The following WDR25 variants were observed in gnomAD, a reference collection of about 807,000 sequenced individuals.
The protein encoded by WDR25 is WD repeat domain 25, also known as WD repeat-containing protein 25.
A neutral mutation model predicts 47.7 loss-of-function variants in WDR25; 35 were observed. That is an observed-to-expected ratio of 0.73 (90% CI 0.56 to 0.97). WDR25 has a LOEUF of 0.97. Ranked by LOEUF, WDR25 falls within the 50% of genes least tolerant of loss-of-function variation. WDR25 has a pLI of 0.00. For missense variants in WDR25, 634 were observed against 704.7 expected (o/e 0.90, Z 1.14); for synonymous variants, 248 against 278.9 (o/e 0.89, Z 1.10).
At chr14:100,403,539 A>T (rs562397965) in intron 2 of WDR25, among the ~76,000 whole-genome samples, 5 of 152,366 alleles carry the variant, frequency 3.3e-5, no homozygotes, top group East Asian at 3.9e-4. Context: ...TGGCATGCTT[A>T]GCCCGCAGGG....
chr14:100,409,686 C>G (rs1443047763), intron 2 of WDR25, among the ~76,000 whole-genome samples: 1 of 152,162 alleles, frequency 6.6e-6, no homozygotes, highest in East Asian at 1.9e-4. Flanking sequence ...ACAGGGATCC[C>G]TTTAAATTGA....
chr14:100,386,361 G>T (rs2140144828), intron 2 of WDR25, among the ~76,000 whole-genome samples: 1 of 152,292 alleles, frequency 6.6e-6, no homozygotes, highest in Non-Finnish European at 1.5e-5. Flanking sequence ...CATAGTATGT[G>T]CAGTTTTGAA....
At chr14:100,514,422 AT>A (rs200085250) in intron 4 of WDR25, among the ~76,000 whole-genome samples, 15 of 149,878 alleles carry the variant, frequency 1.0e-4, no homozygotes, top group African/African-American at 1.7e-4. Context: ...CTACCTTGCT[AT>A]TTTTTTTTAT....
intron 2 of WDR25, among the ~76,000 whole-genome samples, chr14:100,456,938 T>G (rs1899224062): frequency 6.6e-6 from 1 of 152,154 alleles, no homozygotes; most frequent in Non-Finnish European, 1.5e-5. Context: ...CAAGGTATAT[T>G]ATAATGAAGT....
intron 2 of WDR25, among the ~76,000 whole-genome samples, chr14:100,423,009 GA>G (rs1014965664): frequency 2.0e-5 from 3 of 152,044 alleles, no homozygotes; most frequent in African/African-American, 7.2e-5. Context: ...ACTCATTTAT[GA>G]AAAAAATATG....
At chr14:100,456,560 A>G (rs568292573) in intron 2 of WDR25, among the ~76,000 whole-genome samples, 5 of 152,354 alleles carry the variant, frequency 3.3e-5, no homozygotes, top group African/African-American at 1.2e-4. Flanking sequence ...GGGCGATACA[A>G]AAAAGATCCA....
chr14:100,447,753 A>C (rs1048049288), intron 2 of WDR25, among the ~76,000 whole-genome samples: 2 of 152,178 alleles, frequency 1.3e-5, no homozygotes, highest in African/African-American at 4.8e-5. Context: ...GACTTAAGCA[A>C]TTTACTCCTT....
intron 5 of WDR25, among the ~76,000 whole-genome samples, chr14:100,528,217 T>C (rs2030279462): frequency 6.6e-6 from 1 of 152,156 alleles, no homozygotes; most frequent in African/African-American, 2.4e-5. Context: ...CCGAAGTTCA[T>C]AATCAATATT....
chr14:100,521,248 A>G (rs1397739535), intron 4 of WDR25, among the ~76,000 whole-genome samples: 1 of 152,122 alleles, frequency 6.6e-6, no homozygotes, highest in Non-Finnish European at 1.5e-5. Flanking sequence ...AACAGTGACT[A>G]CATATGGCCT....
chr14:100,471,812 AG>A (rs1899847031), intron 3 of WDR25, among the ~76,000 whole-genome samples: 2 of 152,242 alleles, frequency 1.3e-5, no homozygotes, highest in Non-Finnish European at 2.9e-5. Flanking sequence ...TAGTTCTGAC[AG>A]GTTGTTGGCT....
At chr14:100,398,850 C>G (rs1897315175) in intron 2 of WDR25, among the ~76,000 whole-genome samples, 1 of 150,926 alleles carries the variant, frequency 6.6e-6, no homozygotes, top group Non-Finnish European at 1.5e-5. Context: ...TGAGCAAACC[C>G]TGCACATCCT....
At chr14:100,485,457 T>C (rs1900351252) in intron 4 of WDR25, among the ~76,000 whole-genome samples, 1 of 152,214 alleles carries the variant, frequency 6.6e-6, no homozygotes, top group Admixed American at 6.5e-5. Flanking sequence ...GAATCATGAT[T>C]GACTGAGTAA....
intron 2 of WDR25, among the ~76,000 whole-genome samples, chr14:100,467,770 G>A (rs1275083057): frequency 1.3e-5 from 2 of 152,210 alleles, no homozygotes; most frequent in East Asian, 3.9e-4. Context: ...ACAGATGTGA[G>A]CTGCCATACC....
chr14:100,487,200 G>A (rs1487586994), intron 4 of WDR25, among the ~76,000 whole-genome samples: 1 of 152,186 alleles, frequency 6.6e-6, no homozygotes, highest in African/African-American at 2.4e-5. Flanking sequence ...GTCTGGCATA[G>A]GCAGGAACTC....
At chr14:100,382,717 C>T (rs1896934476) in intron 2 of WDR25, among the ~76,000 whole-genome samples, 1 of 152,172 alleles carries the variant, frequency 6.6e-6, no homozygotes, top group Non-Finnish European at 1.5e-5. Context: ...CGGGTGCCAA[C>T]TAAATGCTAG....
At position 100,523,309 on chromosome 14, in the gene WDR25, A is replaced by G. The variant is rs2029950631; in HGVS notation, c.1102-2561A>G. 6.6e-6 allele frequency among the ~76,000 whole-genome samples: 1 copy of G among 152,180 alleles called. No homozygotes were observed. The highest frequency in any genetic ancestry group is 1.5e-5 in the Non-Finnish European group (1 of 68,020). ...GAGCTCACAGTCCTGTGGCGTAGGCAGGTGGCTGATGTGGGCAGCTAAGGG... is the reference window on the plus strand; with the variant it reads ...GAGCTCACAGTCCTGTGGCGTAGGCGGGTGGCTGATGTGGGCAGCTAAGGG... On this transcript the variant is annotated intron_variant, in intron 4 of 6. Coordinates refer to ENST00000402312, the MANE Select transcript of WDR25 (RefSeq NM_001161476.3). This position sits in a 1 kb window ranked among gnomAD's most constrained non-coding sequence, Gnocchi z 4.7.
chr14:100,390,426 T>TGTGTGTGTGC (rs1413707045), intron 2 of WDR25, among the ~76,000 whole-genome samples: 65 of 150,584 alleles, frequency 4.3e-4, no homozygotes, highest in Admixed American at 9.3e-4. Context: ...TGTGTGTGTG[T>TGTGTGTGTGC]GCATGCACAC....
chr14:100,518,881 G>A (rs565725786), intron 4 of WDR25, among the ~76,000 whole-genome samples: 2 of 150,544 alleles, frequency 1.3e-5, no homozygotes, highest in African/African-American at 2.4e-5. Context: ...GGGACAGAGC[G>A]AGACTTCATC....
intron 2 of WDR25, among the ~76,000 whole-genome samples, chr14:100,385,303 G>A (rs1896994867): frequency 6.6e-6 from 1 of 152,126 alleles, no homozygotes; most frequent in Non-Finnish European, 1.5e-5. Context: ...TCTTTTGAGT[G>A]GATAAATCAT....
Sources: allele counts gnomAD v4.1 joint callset (sites outside exome capture counted in the v4.1 genomes callset), GRCh38; gene constraint gnomAD v4.1.1; non-coding constraint Gnocchi (gnomAD v3.1); transcripts MANE v1.5; gene names NCBI Gene and HGNC (gene_info 2026-07-23, HGNC 2026-07-21).